The following DPYD variants were observed in gnomAD, a reference collection of about 807,000 sequenced individuals.
The protein encoded by DPYD is dihydropyrimidine dehydrogenase [NADP(+)].
In DPYD, 109 loss-of-function variants were observed where a neutral mutation model predicts 116.2. The ratio of observed to expected loss-of-function variants is 0.94; its 90% CI spans 0.80 to 1.10. The LOEUF (loss-of-function observed/expected upper bound fraction) is 1.10, where lower values mean the gene tolerates loss of function less well. Among genes scored for constraint, DPYD ranks in the 50% least tolerant of loss-of-function variants. The pLI is 0.00. For synonymous variants in DPYD, 440 were observed against 432.0 expected (o/e 1.02, Z -0.23); for missense variants, 1,302 against 1,254.5 (o/e 1.04, Z -0.57).
At chr1:97,533,024 A>G (rs1649747607) in intron 12 of DPYD, among the ~76,000 whole-genome samples, 1 of 151,944 alleles carries the variant, frequency 6.6e-6, no homozygotes, top group African/African-American at 2.4e-5. Context: ...TACTGCTATA[A>G]AACATCTCTT....
intron 18 of DPYD, among the ~76,000 whole-genome samples, chr1:97,258,453 C>T (rs12140120): frequency 0.32 from 48,857 of 152,052 alleles, 8,994 homozygotes; most frequent in Admixed American, 0.46. Flanking sequence ...AAGGCTTCTG[C>T]ACACTTTCTA....
intron 3 of DPYD, among the ~76,000 whole-genome samples, chr1:97,814,537 T>C (rs1226340058): frequency 6.6e-6 from 1 of 152,156 alleles, no homozygotes; most frequent in Admixed American, 6.6e-5. Context: ...GGAATTTTTA[T>C]ACAACTTTCT....
intron 20 of DPYD, among the ~76,000 whole-genome samples, chr1:97,120,687 C>T (rs1239989843): frequency 2.0e-5 from 3 of 152,188 alleles, no homozygotes; most frequent in East Asian, 1.9e-4. Flanking sequence ...CCCCCAACCA[C>T]GTTTTTAGTA....
chr1:97,379,153 T>C lies in DPYD; in HGVS notation c.1974+3240A>G, dbSNP rs74105144. Among the ~76,000 whole-genome samples the C allele has an allele frequency of 8.4e-3, 1,280 of 151,948 alleles. 11 individuals carry two copies. The highest frequency in any genetic ancestry group is 0.029 in the African/African-American group (1,191 of 41,448). ...GCTCAGGACTGAGGAAGAGAGAACA[T>C]TGCAGGCCAAGGGAACAGGAAAAGC... On this transcript the variant is annotated intron_variant, in intron 15 of 22. Coordinates refer to ENST00000370192, the MANE Select transcript of DPYD (RefSeq NM_000110.4).
intron 4 of DPYD, among the ~76,000 whole-genome samples, chr1:97,739,581 C>T (rs1319974639): frequency 6.6e-6 from 1 of 152,058 alleles, no homozygotes; most frequent in Non-Finnish European, 1.5e-5. Flanking sequence ...TAAAAAGGCA[C>T]CTGGTTGTTG....
chr1:97,343,979 T>C (rs1669714202), intron 16 of DPYD, among the ~76,000 whole-genome samples: 1 of 151,976 alleles, frequency 6.6e-6, no homozygotes, highest in African/African-American at 2.4e-5. Context: ...TGGTAAAGCT[T>C]CTTAAACAAG....
intron 12 of DPYD, among the ~76,000 whole-genome samples, chr1:97,533,198 T>G (rs1055645180): frequency 3.9e-5 from 6 of 152,036 alleles, no homozygotes; most frequent in African/African-American, 1.4e-4. Context: ...TGAGATTTGG[T>G]GGAGACACAG....
chr1:97,131,022 T>G (rs12759823), intron 20 of DPYD, among the ~76,000 whole-genome samples: 1 of 152,016 alleles, frequency 6.6e-6, no homozygotes, highest in Non-Finnish European at 1.5e-5. Flanking sequence ...GTATGAACAG[T>G]GTTTGGGAAT....
chr1:97,682,327 G>A (rs746079674), intron 7 of DPYD, among the ~76,000 whole-genome samples: 2 of 151,846 alleles, frequency 1.3e-5, no homozygotes, highest in Non-Finnish European at 2.9e-5. Flanking sequence ...AAAGATGGAG[G>A]ATGGTCATCA....
chr1:97,883,207 T>TAA (rs1430221750), intron 2 of DPYD, 57 bp downstream of exon 2: 1 of 1,181,290 alleles, frequency 8.5e-7, no homozygotes, highest in African/African-American at 1.5e-5. Flanking sequence ...AATCTTGCCT[T>TAA]ACAATGTGTG....
At chr1:97,679,031 TG>T in intron 8 of DPYD, 63 bp downstream of exon 8, 1 of 756,266 alleles carries the variant, frequency 1.3e-6, no homozygotes, top group Non-Finnish European at 2.0e-6. Flanking sequence ...GTCATTCTTC[TG>T]GATATTGCTA....
chr1:97,535,794 C>A (rs1043875844), intron 12 of DPYD, among the ~76,000 whole-genome samples: 2 of 152,068 alleles, frequency 1.3e-5, no homozygotes, highest in Non-Finnish European at 2.9e-5. Flanking sequence ...TCCTTGACTT[C>A]CTTTTAGAAC....
At chr1:97,395,469 T>C (rs1177409029) in intron 14 of DPYD, among the ~76,000 whole-genome samples, 1 of 152,012 alleles carries the variant, frequency 6.6e-6, no homozygotes, top group Non-Finnish European at 1.5e-5. Flanking sequence ...AGTTAATCAA[T>C]AGCAAAGGCA....
At chr1:97,825,638 G>T (rs936940313) in intron 3 of DPYD, among the ~76,000 whole-genome samples, 23 of 127,432 alleles carry the variant, frequency 1.8e-4, no homozygotes, top group African/African-American at 6.7e-4. Context: ...GGGGGAGGGG[G>T]GGAGGGATAG....
chr1:97,334,071 A>C (rs927214132), intron 16 of DPYD, among the ~76,000 whole-genome samples: 1 of 152,140 alleles, frequency 6.6e-6, no homozygotes, highest in Non-Finnish European at 1.5e-5. Flanking sequence ...TATTTCAGTT[A>C]CACTTTACTG....
chr1:97,598,162 A>G (rs1655005973), intron 8 of DPYD, among the ~76,000 whole-genome samples: 1 of 152,200 alleles, frequency 6.6e-6, no homozygotes, highest in Non-Finnish European at 1.5e-5. Flanking sequence ...AAATAAAAAT[A>G]AAGTATTAAA....
At chr1:97,855,073 TG>T in intron 2 of DPYD, 1 of 152,366 alleles carries the variant, frequency 6.6e-6, no homozygotes, top group South Asian at 2.1e-4. Context: ...GTGGGAAAGC[TG>T]TGTTCTACTG....
chr1:97,734,717 G>T (rs916080924), intron 4 of DPYD, among the ~76,000 whole-genome samples: 2 of 152,192 alleles, frequency 1.3e-5, no homozygotes, highest in Admixed American at 1.3e-4. Context: ...TAACAAGGCA[G>T]TAAGTAGACC....
At chr1:97,286,122 G>C (rs886542076) in intron 18 of DPYD, among the ~76,000 whole-genome samples, 15 of 152,218 alleles carry the variant, frequency 9.9e-5, no homozygotes, top group South Asian at 2.1e-4. Flanking sequence ...CTGGTGGTGA[G>C]AAAATCTCTC....
Sources: gnomAD v4.1 joint callset for allele counts (sites outside exome capture counted in the v4.1 genomes callset) on GRCh38, gnomAD v4.1.1 for gene constraint, MANE v1.5 for transcripts, NCBI Gene and HGNC (gene_info 2026-07-23, HGNC 2026-07-21) for gene names.